Variants in EML5 observed in about 807,000 individuals in gnomAD.
The protein encoded by EML5 is EMAP like 5.
In EML5, 120 loss-of-function variants were observed where a neutral mutation model predicts 250.0. The observed-to-expected ratio is 0.48, with a 90% CI of 0.41 to 0.56. EML5 has a LOEUF of 0.56. Ranked by LOEUF, EML5 falls within the 20% of genes least tolerant of loss-of-function variation. The pLI, the probability that EML5 is intolerant of heterozygous loss-of-function variation, is 0.00. For missense variants in EML5, 2,006 were observed against 2,437.6 expected, an observed-to-expected ratio of 0.82 and a Z score of 3.73; for synonymous variants, 771 against 806.5, an observed-to-expected ratio of 0.96 and a Z score of 0.75.
intron 4 of EML5, among the ~76,000 whole-genome samples, chr14:88,743,768 C>G (rs909610431): frequency 4.6e-5 from 7 of 152,044 alleles, no homozygotes; most frequent in African/African-American, 1.4e-4. Flanking sequence ...ACAGTAAATC[C>G]TGCCTCACTA....
At chr14:88,730,687 G>T (rs1844979523) in intron 7 of EML5, among the ~76,000 whole-genome samples, 1 of 152,164 alleles carries the variant, frequency 6.6e-6, no homozygotes, top group Admixed American at 6.5e-5. Flanking sequence ...GAAGTGACAA[G>T]AATTTGCTTT....
chr14:88,717,406 T>A (rs2093514540), intron 8 of EML5, among the ~76,000 whole-genome samples: 1 of 152,112 alleles, frequency 6.6e-6, no homozygotes, highest in Non-Finnish European at 1.5e-5. Context: ...TGGCCTTAAT[T>A]TGTGAGGTTA....
intron 1 of EML5, among the ~76,000 whole-genome samples, chr14:88,785,039 A>G (rs1478793429): frequency 1.3e-5 from 2 of 152,216 alleles, no homozygotes; most frequent in African/African-American, 4.8e-5. Flanking sequence ...GTCATTTGCA[A>G]CATCATGGAT....
Position 88,620,978 on chromosome 14 carries a change from A to C in EML5, c.5203-52T>G, listed in dbSNP as rs2088813410. 1 of 1,472,470 alleles carries C rather than the reference A, an allele frequency of 6.8e-7. No homozygotes were observed. The highest frequency in any genetic ancestry group is 9.0e-7 in the Non-Finnish European group (1 of 1,114,942). 91.2% of individuals were successfully genotyped at this position (1,472,470 alleles called of 1,614,324 possible). A position where few individuals can be genotyped will look rare whatever the true frequency, so the allele number is the denominator to read the frequency against. Reference sequence around the variant, plus strand: ...AGTCATAGGAAACATTAAGTGAAGTACTTCTAAATTATACCAGTTTCCCCT... The same window carrying C: ...AGTCATAGGAAACATTAAGTGAAGTCCTTCTAAATTATACCAGTTTCCCCT... On this transcript the variant is annotated intron_variant, in intron 38 of 43. Transcript: ENST00000554922. This position sits in a 1 kb window ranked among gnomAD's most constrained non-coding sequence, Gnocchi z 4.3.
intron 13 of EML5, 82 bp downstream of exon 13, chr14:88,704,778 G>T: frequency 1.0e-6 from 1 of 972,690 alleles, no homozygotes. Context: ...AGGGGATACA[G>T]TCAGTTCTAT....
chr14:88,730,229 A>G (rs2093734269), intron 7 of EML5, among the ~76,000 whole-genome samples: 1 of 152,224 alleles, frequency 6.6e-6, no homozygotes, highest in South Asian at 2.1e-4. Context: ...TGCTAAAAGG[A>G]TACAAATATA....
intron 27 of EML5, among the ~76,000 whole-genome samples, chr14:88,654,824 T>C (rs1172408445): frequency 6.6e-6 from 1 of 152,190 alleles, no homozygotes; most frequent in East Asian, 1.9e-4. Flanking sequence ...GTTCAACTCC[T>C]GATTATCCTT....
chr14:88,736,959 C>T (rs2093850056), intron 6 of EML5, among the ~76,000 whole-genome samples: 2 of 152,086 alleles, frequency 1.3e-5, no homozygotes, highest in African/African-American at 4.8e-5. Flanking sequence ...TGGGGACTGC[C>T]CACCTTTGGG....
At chr14:88,698,354 C>T (rs2093129886) in intron 14 of EML5, among the ~76,000 whole-genome samples, 1 of 151,312 alleles carries the variant, frequency 6.6e-6, no homozygotes, top group Admixed American at 6.6e-5. Flanking sequence ...CGACCTCCGC[C>T]TCCCAGGCTC....
intron 14 of EML5, among the ~76,000 whole-genome samples, chr14:88,700,540 T>C (rs993864097): frequency 6.6e-6 from 1 of 152,238 alleles, no homozygotes; most frequent in South Asian, 2.1e-4. Flanking sequence ...GACTTAACTT[T>C]ATCTAGTCTC....
At position 88,638,907 on chromosome 14, in the gene EML5, C is replaced by T. The variant is rs375729601; in HGVS notation, c.4238G>A (p.Gly1413Asp). The change falls in exon 32 of 44, where the codon GGT becomes GAT. Residue 1413 changes from glycine to aspartate, a missense_variant and splice_region_variant. This residue lies in a region of EML5 where 1,375 missense variants were observed against 1,590.3 expected (regional missense o/e 0.86). Transcript: ENST00000554922. The part of the protein sequence containing the change: ...SVGILHNVAT[G>D]SQSFYQEHND... ...ATGTTCCTGATAAAAACTCTGAGAACCTACAAAAAAGAATTTGAGAATTAA... is the reference window on the plus strand; with the variant it reads ...ATGTTCCTGATAAAAACTCTGAGAATCTACAAAAAAGAATTTGAGAATTAA... 1.5e-5 allele frequency: 23 copies of T among 1,560,852 alleles called. No homozygotes were observed. The highest frequency in any genetic ancestry group is 2.0e-5 in the Non-Finnish European group (23 of 1,155,594).
intron 1 of EML5, among the ~76,000 whole-genome samples, chr14:88,784,255 C>A (rs944450638): frequency 6.6e-6 from 1 of 151,750 alleles, no homozygotes; most frequent in East Asian, 1.9e-4. Flanking sequence ...AAAGCAAGAG[C>A]AAACCAAATC....
intron 28 of EML5, among the ~76,000 whole-genome samples, chr14:88,648,573 T>C (rs1039860082): frequency 2.0e-5 from 3 of 152,100 alleles, no homozygotes; most frequent in Non-Finnish European, 4.4e-5. Flanking sequence ...GCTAGGCTGA[T>C]CTTTAACTCC....
intron 8 of EML5, among the ~76,000 whole-genome samples, chr14:88,718,703 TAGAC>T (rs2093542313): frequency 6.6e-6 from 1 of 152,078 alleles, no homozygotes; most frequent in Non-Finnish European, 1.5e-5. Context: ...AGAATAAAGT[TAGAC>T]AGTTTTATGA....
At chr14:88,749,499 T>C (rs2094058998) in intron 2 of EML5, among the ~76,000 whole-genome samples, 1 of 152,124 alleles carries the variant, frequency 6.6e-6, no homozygotes, top group Admixed American at 6.6e-5. Context: ...TATGAGAGTG[T>C]CCAAGTGGTT....
chr14:88,652,962 T>C (rs2091700170), intron 27 of EML5, among the ~76,000 whole-genome samples: 1 of 152,212 alleles, frequency 6.6e-6, no homozygotes, highest in African/African-American at 2.4e-5. Context: ...GTTTGTGTCC[T>C]CTCCTATTTC....
At position 88,715,215 on chromosome 14, in the gene EML5, G is replaced by A. The variant is rs1012424261; in HGVS notation, c.1188-20C>T. Reference sequence around the variant, plus strand: ...ATATCTCTGTTAAAAAGAAAAAAATGAGACTACATGAACAGAAGTCACAAC... The same window carrying A: ...ATATCTCTGTTAAAAAGAAAAAAATAAGACTACATGAACAGAAGTCACAAC... On this transcript the variant is annotated intron_variant, in intron 8 of 43. Transcript: ENST00000554922. 1 of 1,555,380 alleles carries A rather than the reference G, an allele frequency of 6.4e-7. No homozygotes were observed. Among genetic ancestry groups the A allele is most frequent in the Non-Finnish European group, 8.7e-7 (1 of 1,151,428 alleles).
intron 27 of EML5, among the ~76,000 whole-genome samples, chr14:88,652,269 T>C (rs1350242329): frequency 1.3e-5 from 2 of 152,116 alleles, no homozygotes; most frequent in African/African-American, 2.4e-5. Flanking sequence ...CTGAGGTACA[T>C]GAGGTATACC....
intron 21 of EML5, among the ~76,000 whole-genome samples, chr14:88,673,024 C>T (rs754234218): frequency 6.6e-6 from 1 of 152,132 alleles, no homozygotes. Context: ...GGACTCCTCC[C>T]TAACTCATTT....
Sources: gnomAD v4.1 joint callset for allele counts (sites outside exome capture counted in the v4.1 genomes callset) on GRCh38, gnomAD v4.1.1 for gene constraint, gnomAD v4.1.1 regional missense constraint, Gnocchi (gnomAD v3.1) non-coding constraint, MANE v1.5 for transcripts, NCBI Gene and HGNC (gene_info 2026-07-23, HGNC 2026-07-21) for gene names.